The following PLCB1 variants were observed in gnomAD, a reference collection of about 807,000 sequenced individuals.
The protein encoded by PLCB1 is 1-phosphatidylinositol 4,5-bisphosphate phosphodiesterase beta-1.
A neutral mutation model predicts 161.8 loss-of-function variants in PLCB1; 46 were observed. The ratio of observed to expected loss-of-function variants is 0.28; its 90% CI spans 0.22 to 0.36. The LOEUF (loss-of-function observed/expected upper bound fraction) is 0.36, where lower values mean the gene tolerates loss of function less well. Ranked by LOEUF, PLCB1 falls within the 10% of genes least tolerant of loss-of-function variation. The pLI, the probability that PLCB1 is intolerant of heterozygous loss-of-function variation, is 1.00. For missense variants in PLCB1, 1,016 were observed against 1,472.5 expected (o/e 0.69, Z 5.07); for synonymous variants, 517 against 503.7 (o/e 1.03, Z -0.35).
At chr20:8,531,335 T>C (rs895018438) in intron 3 of PLCB1, among the ~76,000 whole-genome samples, 6 of 152,136 alleles carry the variant, frequency 3.9e-5, no homozygotes, top group Non-Finnish European at 7.4e-5. Context: ...GTGAGTATAA[T>C]TAGTACATGT....
At chr20:8,746,146 C>T (rs1327686033) in intron 23 of PLCB1, among the ~76,000 whole-genome samples, 1 of 152,110 alleles carries the variant, frequency 6.6e-6, no homozygotes, top group Non-Finnish European at 1.5e-5. Flanking sequence ...TGGCTAGGCT[C>T]TTCTCAAACT....
intron 2 of PLCB1, among the ~76,000 whole-genome samples, chr20:8,278,972 G>GT (rs11476345): frequency 8.2e-5 from 12 of 145,544 alleles, no homozygotes; most frequent in East Asian, 2.1e-4. Context: ...ACTATACAGT[G>GT]TTTTTTAAAA....
At chr20:8,546,041 G>A (rs560919987) in intron 3 of PLCB1, among the ~76,000 whole-genome samples, 17 of 152,288 alleles carry the variant, frequency 1.1e-4, no homozygotes, top group Middle Eastern at 3.4e-3. Context: ...TCTTGGCTGG[G>A]CGCGGTGGCT....
chr20:8,557,171 A>G (rs1028822984), intron 3 of PLCB1, among the ~76,000 whole-genome samples: 1 of 151,872 alleles, frequency 6.6e-6, no homozygotes, highest in African/African-American at 2.4e-5. Context: ...GAGTTACCAT[A>G]TAATTCAGCA....
At chr20:8,539,142 C>T (rs765053484) in intron 3 of PLCB1, among the ~76,000 whole-genome samples, 1 of 152,104 alleles carries the variant, frequency 6.6e-6, no homozygotes, top group African/African-American at 2.4e-5. Context: ...ATATTTTCAT[C>T]GTGCCCTTAA....
chr20:8,141,720 G>C (rs2051405871), intron 1 of PLCB1, among the ~76,000 whole-genome samples: 1 of 151,944 alleles, frequency 6.6e-6, no homozygotes, highest in South Asian at 2.1e-4. Context: ...CATGTGGAAA[G>C]ACAGGTATTC....
At chr20:8,675,238 C>T (rs543846077) in intron 9 of PLCB1, among the ~76,000 whole-genome samples, 1 of 152,114 alleles carries the variant, frequency 6.6e-6, no homozygotes, top group African/African-American at 2.4e-5. Context: ...CGCACCACCG[C>T]ACCTGTTCCA....
intron 2 of PLCB1, among the ~76,000 whole-genome samples, chr20:8,203,278 T>C (rs191081800): frequency 3.7e-4 from 57 of 152,082 alleles, no homozygotes; most frequent in Admixed American, 3.5e-3. Context: ...ACAAATTTAA[T>C]GTGGGAAATA....
chr20:8,828,940 C>T (rs2146274499), intron 31 of PLCB1, among the ~76,000 whole-genome samples: 1 of 152,268 alleles, frequency 6.6e-6, no homozygotes, highest in East Asian at 1.9e-4. Context: ...TCTTAATCCT[C>T]ATGAATCCTA....
rs558252351 is a variant in PLCB1 at position 8,564,051 on chromosome 20, A to C, written c.247-64243A>C. The stretch of plus-strand genomic sequence containing the variant: ...CCACGTAGCCAAGACAATCCTAAGC[A>C]AAAAGAACAAAGCTGGAGACATCAC... On this transcript the variant is annotated intron_variant, in intron 3 of 31. Coordinates refer to ENST00000338037, the MANE Select transcript of PLCB1 (RefSeq NM_015192.4). Among the ~76,000 whole-genome samples, 9 of 152,270 alleles carry C rather than the reference A, an allele frequency of 5.9e-5. No individual in the cohort carries two copies. The East Asian group carries it at 1.5e-3, about 26-fold the overall frequency.
chr20:8,510,383 C>CT lies in PLCB1; in HGVS notation c.247-117892dup, dbSNP rs11479098. Among the ~76,000 whole-genome samples the CT allele has an allele frequency of 1.2e-3, 149 of 119,790 alleles. 1 individual carries two copies. The highest frequency in any genetic ancestry group is 3.1e-3 in the Admixed American group (35 of 11,300). The allele number at this position is 119,790 out of a possible 152,430, so 78.6% of individuals were successfully genotyped here. ...ACTCTGATCTTTTTCTTTTCTTTTTCTTTTTTTTTTTTTTTTTTTAAGATG... is the reference window on the plus strand; with the variant it reads ...ACTCTGATCTTTTTCTTTTCTTTTTCTTTTTTTTTTTTTTTTTTTTAAGATG... On this transcript the variant is annotated intron_variant, in intron 3 of 31. Coordinates refer to ENST00000338037, the MANE Select transcript of PLCB1 (RefSeq NM_015192.4).
intron 31 of PLCB1, among the ~76,000 whole-genome samples, chr20:8,799,149 CT>C (rs1408957966): frequency 1.3e-5 from 2 of 152,284 alleles, no homozygotes; most frequent in Admixed American, 6.5e-5. Context: ...TTCTTTCCCC[CT>C]CCTTTGTCCA....
At chr20:8,169,042 C>CT (rs1008473441) in intron 2 of PLCB1, among the ~76,000 whole-genome samples, 90 of 149,290 alleles carry the variant, frequency 6.0e-4, no homozygotes, top group African/African-American at 1.5e-3. Flanking sequence ...CTGAGCTCAT[C>CT]TTTTTTTTTT....
intron 2 of PLCB1, among the ~76,000 whole-genome samples, chr20:8,247,386 G>A (rs1326191649): frequency 6.6e-6 from 1 of 151,756 alleles, no homozygotes; most frequent in East Asian, 1.9e-4. Context: ...TCTTCTTGAA[G>A]GCCTAGTGAC....
intron 3 of PLCB1, among the ~76,000 whole-genome samples, chr20:8,386,895 C>T (rs1987439748): frequency 6.6e-6 from 1 of 152,228 alleles, no homozygotes; most frequent in Non-Finnish European, 1.5e-5. Context: ...CTTTAAACCT[C>T]ATGAACCAAC....
intron 2 of PLCB1, among the ~76,000 whole-genome samples, chr20:8,320,293 C>T (rs939086830): frequency 2.6e-5 from 4 of 152,146 alleles, no homozygotes; most frequent in African/African-American, 4.8e-5. Context: ...AAAACATCCA[C>T]GTAATAGCAG....
chr20:8,668,499 A>C (rs1989869376), intron 9 of PLCB1, among the ~76,000 whole-genome samples: 1 of 152,170 alleles, frequency 6.6e-6, no homozygotes, highest in Admixed American at 6.5e-5. Flanking sequence ...CAATGTGGCT[A>C]TATGTCTTTG....
chr20:8,660,126 C>T (rs1989582966), intron 9 of PLCB1, among the ~76,000 whole-genome samples: 2 of 151,794 alleles, frequency 1.3e-5, no homozygotes. Flanking sequence ...TGGTGAAGAA[C>T]TTTGCCTTTG....
intron 3 of PLCB1, among the ~76,000 whole-genome samples, chr20:8,401,176 A>G (rs1978532678): frequency 6.6e-6 from 1 of 152,046 alleles, no homozygotes; most frequent in East Asian, 1.9e-4. Flanking sequence ...TGTTGTTTGT[A>G]TTTCTAACCA....
Sources: gnomAD v4.1 joint callset for allele counts (sites outside exome capture counted in the v4.1 genomes callset) on GRCh38, gnomAD v4.1.1 for gene constraint, MANE v1.5 for transcripts, NCBI Gene and HGNC (gene_info 2026-07-23, HGNC 2026-07-21) for gene names.